The following ARL15 variants were observed in gnomAD, a reference collection of about 807,000 sequenced individuals.
The protein encoded by ARL15 is ADP-ribosylation factor-like protein 15.
In ARL15, 19 loss-of-function variants were observed where a neutral mutation model predicts 25.2. The ratio of observed to expected loss-of-function variants is 0.75; its 90% CI spans 0.53 to 1.10. The LOEUF is 1.10. Ranked by LOEUF, ARL15 falls within the 50% of genes least tolerant of loss-of-function variation. The pLI, the probability that ARL15 is intolerant of heterozygous loss-of-function variation, is 0.00. For synonymous variants in ARL15, 94 were observed against 86.8 expected (o/e 1.08, Z -0.46); for missense variants, 220 against 246.0 (o/e 0.89, Z 0.71).
chr5:54,261,766 A>C (rs77539202), intron 1 of ARL15, among the ~76,000 whole-genome samples: 12 of 151,828 alleles, frequency 7.9e-5, no homozygotes, highest in South Asian at 2.1e-4. Context: ...ACACACACAC[A>C]CCCCATGACC....
At chr5:53,911,814 A>G (rs762109201) in intron 4 of ARL15, among the ~76,000 whole-genome samples, 1 of 152,190 alleles carries the variant, frequency 6.6e-6, no homozygotes, top group Non-Finnish European at 1.5e-5. Flanking sequence ...ACACGATCAA[A>G]TCCAACAACA....
chr5:54,171,624 T>A (rs890080789), intron 2 of ARL15, among the ~76,000 whole-genome samples, 160 bp downstream of exon 2: 3 of 152,208 alleles, frequency 2.0e-5, no homozygotes, highest in Non-Finnish European at 2.9e-5. Context: ...GCTATTAAAT[T>A]CATTTCAAAT....
intron 4 of ARL15, among the ~76,000 whole-genome samples, chr5:53,955,239 G>C (rs759492464): frequency 6.6e-6 from 1 of 151,794 alleles, no homozygotes; most frequent in African/African-American, 2.4e-5. Context: ...ACAACAATTA[G>C]GTTACTTTAG....
intron 3 of ARL15, among the ~76,000 whole-genome samples, chr5:54,122,119 T>C (rs1323412724): frequency 6.6e-6 from 1 of 152,246 alleles, no homozygotes; most frequent in Non-Finnish European, 1.5e-5. Flanking sequence ...CCAAAGTTTT[T>C]ACTTGGGACA....
At chr5:54,308,894 AG>A (rs1460981394) in intron 1 of ARL15, among the ~76,000 whole-genome samples, 2 of 152,244 alleles carry the variant, frequency 1.3e-5, no homozygotes, top group African/African-American at 4.8e-5. Context: ...ATTAGCTTTT[AG>A]TAGTACAGGC....
At chr5:54,029,121 G>C (rs1160508666) in intron 4 of ARL15, among the ~76,000 whole-genome samples, 2 of 151,980 alleles carry the variant, frequency 1.3e-5, no homozygotes, top group Non-Finnish European at 2.9e-5. Context: ...GACTCTCTGG[G>C]TTCGAATCTC....
chr5:54,089,530 T>C (rs529879630), intron 4 of ARL15, among the ~76,000 whole-genome samples: 34 of 152,204 alleles, frequency 2.2e-4, no homozygotes, highest in Admixed American at 7.2e-4. Context: ...TATAAAAAAG[T>C]TTTTTACCTA....
chr5:53,896,871 G>T (rs1744890256), intron 4 of ARL15, among the ~76,000 whole-genome samples: 1 of 152,136 alleles, frequency 6.6e-6, no homozygotes, highest in South Asian at 2.1e-4. Context: ...AAAAATAGTT[G>T]TGACAACTCT....
chr5:54,055,410 G>A (rs1160059989), intron 4 of ARL15, among the ~76,000 whole-genome samples: 1 of 140,106 alleles, frequency 7.1e-6, no homozygotes, highest in Non-Finnish European at 1.5e-5. Context: ...GCCCAGGCTG[G>A]AGTGCTGTGG....
intron 4 of ARL15, among the ~76,000 whole-genome samples, chr5:54,080,392 G>A (rs1751758369): frequency 6.6e-6 from 1 of 152,150 alleles, no homozygotes; most frequent in Non-Finnish European, 1.5e-5. Flanking sequence ...TCATTTTTAT[G>A]CATAATTTCT....
intron 3 of ARL15, among the ~76,000 whole-genome samples, chr5:54,126,467 C>T (rs897020120): frequency 6.6e-6 from 1 of 152,150 alleles, no homozygotes; most frequent in African/African-American, 2.4e-5. Flanking sequence ...AATCAACTGC[C>T]CAACTTACCT....
chr5:54,113,142 A>G, intron 4 of ARL15, 60 bp downstream of exon 4: 1 of 1,548,358 alleles, frequency 6.5e-7, no homozygotes, highest in Non-Finnish European at 8.8e-7. Flanking sequence ...TCCAGGTTCC[A>G]ACGTGGCAGC....
intron 3 of ARL15, among the ~76,000 whole-genome samples, chr5:54,117,364 GACACATACACACACAC>G (rs1384920529): frequency 1.1e-5 from 1 of 90,982 alleles, no homozygotes; most frequent in Non-Finnish European, 2.0e-5. Flanking sequence ...CAAATAGTGA[GACACATACACACACAC>G]ACACACACAC....
chr5:54,181,643 G>A (rs149580810), intron 1 of ARL15, among the ~76,000 whole-genome samples: 1 of 152,158 alleles, frequency 6.6e-6, no homozygotes, highest in East Asian at 1.9e-4. Context: ...CATTTAAAAG[G>A]AGCTAGGTGG....
At chr5:54,131,003 T>C (rs1015562222) in intron 3 of ARL15, among the ~76,000 whole-genome samples, 3 of 152,200 alleles carry the variant, frequency 2.0e-5, no homozygotes, top group African/African-American at 7.2e-5. Context: ...AAATCTTATC[T>C]TCTTCCTAAC....
At chr5:53,985,614 A>G (rs1055845729) in intron 4 of ARL15, among the ~76,000 whole-genome samples, 33 of 152,130 alleles carry the variant, frequency 2.2e-4, no homozygotes, top group African/African-American at 6.5e-4. Context: ...CTCAGAATTC[A>G]TCCATGTTGT....
chr5:54,101,900 G>A (rs192693683), intron 4 of ARL15, among the ~76,000 whole-genome samples: 2 of 152,066 alleles, frequency 1.3e-5, no homozygotes, highest in East Asian at 1.9e-4. Context: ...GCAGAAACAT[G>A]TATTTCCATA....
intron 3 of ARL15, among the ~76,000 whole-genome samples, chr5:54,116,133 G>C (rs534518699): frequency 5.6e-4 from 85 of 152,322 alleles, no homozygotes; most frequent in African/African-American, 1.9e-3. Flanking sequence ...TTACACCCTT[G>C]TATAGTCATT....
At chr5:53,907,988 T>C (rs569685692) in intron 4 of ARL15, among the ~76,000 whole-genome samples, 3 of 152,308 alleles carry the variant, frequency 2.0e-5, no homozygotes, top group East Asian at 3.9e-4. Flanking sequence ...TTCAGACTTC[T>C]CATCCTCAAG....
Sources: gnomAD v4.1 joint callset for allele counts (sites outside exome capture counted in the v4.1 genomes callset) on GRCh38, gnomAD v4.1.1 for gene constraint, MANE v1.5 for transcripts, NCBI Gene and HGNC (gene_info 2026-07-23, HGNC 2026-07-21) for gene names.